PCDHGA4: variants seen among roughly 807,000 people sequenced by gnomAD.
The protein encoded by PCDHGA4 is protocadherin gamma subfamily A, 4.
PCDHGA4 carries 38 observed loss-of-function variants against 54.6 expected under a neutral mutation model. That is an observed-to-expected ratio of 0.70 (90% CI 0.54 to 0.91). The LOEUF (loss-of-function observed/expected upper bound fraction) is 0.91. Ranked by LOEUF, PCDHGA4 falls within the 40% of genes least tolerant of loss-of-function variation. The pLI, the probability that PCDHGA4 is intolerant of heterozygous loss-of-function variation, is 0.00. For synonymous variants in PCDHGA4, 511 were observed against 512.9 expected (o/e 1.00, Z 0.05); for missense variants, 1,298 against 1,220.9 (o/e 1.06, Z -0.94).
In PCDHGA4 at chr5:141,493,079, G is replaced by A. The variant is rs1299289839; in HGVS notation, c.2515-1728G>A. 6.6e-6 allele frequency among the ~76,000 whole-genome samples: 1 copy of A among 152,204 alleles called. No homozygotes were observed. Among genetic ancestry groups the A allele is most frequent in the East Asian group, 1.9e-4 (1 of 5,196 alleles). Reference sequence around the variant, plus strand: ...AAAAACACAAGTTTCTCCAACTCCAGGAGCTTTTATTCAAAATATATCAAT... The same window carrying A: ...AAAAACACAAGTTTCTCCAACTCCAAGAGCTTTTATTCAAAATATATCAAT... On this transcript the variant is annotated intron_variant, in intron 1 of 3. Transcript: ENST00000571252. The surrounding 1 kb of genome is among the most constrained non-coding windows in gnomAD (Gnocchi z 4.3).
intron 1 of PCDHGA4, among the ~76,000 whole-genome samples, chr5:141,455,603 C>T (rs1433078116): frequency 3.3e-5 from 5 of 152,190 alleles, no homozygotes; most frequent in Admixed American, 2.6e-4. Context: ...CGTAGGGCGC[C>T]ATGGATGTTC....
At chr5:141,418,908 C>T (rs1037628215) in intron 1 of PCDHGA4, 1 of 1,613,814 alleles carries the variant, frequency 6.2e-7, no homozygotes, top group Non-Finnish European at 8.5e-7. Context: ...ATAATCATCA[C>T]GTCACTCTCT....
chr5:141,470,721 AG>A (rs948288535), intron 1 of PCDHGA4, among the ~76,000 whole-genome samples: 2 of 152,098 alleles, frequency 1.3e-5, no homozygotes, highest in African/African-American at 4.8e-5. Flanking sequence ...TTTTTGAGTC[AG>A]GGTCTTGCTC....
chr5:141,408,475 C>A, intron 1 of PCDHGA4: 3 of 1,614,032 alleles, frequency 1.9e-6, no homozygotes, highest in Non-Finnish European at 1.7e-6. Flanking sequence ...ACCGAATAGA[C>A]CGTGAGCAAA....
intron 1 of PCDHGA4, chr5:141,400,391 C>T (rs1468153713): frequency 1.2e-6 from 2 of 1,614,076 alleles, no homozygotes; most frequent in Non-Finnish European, 1.7e-6. Flanking sequence ...GTTGCACATA[C>T]AGGAAAGACG....
intron 1 of PCDHGA4, chr5:141,366,446 G>T: frequency 6.2e-7 from 1 of 1,614,178 alleles, no homozygotes; most frequent in South Asian, 1.1e-5. Context: ...CGTCTTCCTG[G>T]CCTTCGTCAT....
chr5:141,499,763 T>C (rs2099794343), intron 2 of PCDHGA4, among the ~76,000 whole-genome samples: 1 of 148,434 alleles, frequency 6.7e-6, no homozygotes, highest in African/African-American at 2.5e-5. Flanking sequence ...CTCAGCTCAC[T>C]GCAGCCTTCG....
chr5:141,395,111 T>A, intron 1 of PCDHGA4: 1 of 1,613,670 alleles, frequency 6.2e-7, no homozygotes, highest in Non-Finnish European at 8.5e-7. Flanking sequence ...CGCGGAAGAG[T>A]CACCTGATCT....
At chr5:141,445,046 G>A (rs181806844) in intron 1 of PCDHGA4, among the ~76,000 whole-genome samples, 1 of 152,248 alleles carries the variant, frequency 6.6e-6, no homozygotes, top group East Asian at 1.9e-4. Context: ...AGTTTTCAGT[G>A]TAGAGAGGTC....
At chr5:141,427,914 A>C in intron 1 of PCDHGA4, 1 of 1,576,800 alleles carries the variant, frequency 6.3e-7, no homozygotes, top group Non-Finnish European at 8.7e-7. Flanking sequence ...CAGCGCCAAC[A>C]TGAGCCGGCG....
At position 141,384,620 on chromosome 5, in the gene PCDHGA4, G is replaced by C. The variant is rs767421233; in HGVS notation, c.2514+26999G>C. On this transcript the variant is annotated intron_variant, in intron 1 of 3. Coordinates refer to ENST00000571252, the MANE Select transcript of PCDHGA4 (RefSeq NM_018917.4). ...GCCCTCCCCACAGATGGTTCTACTG[G>C]CATGGAGCTGGCACCCCGCTCCGCA... 6 of 1,614,082 alleles carry C rather than the reference G, an allele frequency of 3.7e-6. No homozygotes were observed. The African/African-American group carries it at 8.0e-5, about 22-fold the overall frequency.
chr5:141,450,071 A>G (rs1039802551), intron 1 of PCDHGA4, among the ~76,000 whole-genome samples: 3 of 139,286 alleles, frequency 2.2e-5, no homozygotes, highest in Non-Finnish European at 3.0e-5. Flanking sequence ...CAGTGGTATG[A>G]TCTTGGCTCA....
intron 1 of PCDHGA4, chr5:141,419,181 A>T (rs769321564): frequency 1.9e-6 from 3 of 1,613,858 alleles, no homozygotes; most frequent in Admixed American, 3.3e-5. Flanking sequence ...ATAACCCTGC[A>T]CATTACTGAC....
intron 1 of PCDHGA4, chr5:141,384,634 C>T: frequency 6.2e-7 from 1 of 1,614,208 alleles, no homozygotes; most frequent in Non-Finnish European, 8.5e-7. Flanking sequence ...GGAGCTGGCA[C>T]CCCGCTCCGC....
At chr5:141,421,618 G>T (rs748399893) in intron 1 of PCDHGA4, 1 of 1,613,766 alleles carries the variant, frequency 6.2e-7, no homozygotes, top group Non-Finnish European at 8.5e-7. Flanking sequence ...TAATGATAAC[G>T]CCCCCAGCTT....
intron 1 of PCDHGA4, chr5:141,374,640 C>G: frequency 6.2e-7 from 1 of 1,612,778 alleles, no homozygotes; most frequent in African/African-American, 1.3e-5. Flanking sequence ...CAAAGCGAAG[C>G]CCATGGGCCC....
At chr5:141,384,927 C>A in intron 1 of PCDHGA4, 1 of 1,614,014 alleles carries the variant, frequency 6.2e-7, no homozygotes, top group Non-Finnish European at 8.5e-7. Flanking sequence ...CCGACCTGGG[C>A]AGCCTTGAGC....
chr5:141,443,307 C>A (rs1447607301), intron 1 of PCDHGA4, among the ~76,000 whole-genome samples: 1 of 136,584 alleles, frequency 7.3e-6, no homozygotes, highest in Non-Finnish European at 1.5e-5. Flanking sequence ...ATGGCAAAAA[C>A]CCATCTCTAC....
rs760807195 is a variant in PCDHGA4 at position 141,357,465 on chromosome 5, C to T, written c.2358C>T (p.His786=). 1.9e-6 allele frequency: 3 copies of T among 1,614,226 alleles called. No homozygotes were observed. Among genetic ancestry groups the T allele is most frequent in the South Asian group, 1.1e-5 (1 of 91,088 alleles). ...GVRAFLQTYS[H]EVSLTADSRK... is the part of the protein sequence containing the mutation. ...GGGCTTTCCTGCAGACCTATTCCCA[C>T]GAGGTCTCCCTCACCGCGGACTCGC... Residue 786 remains histidine (H), a synonymous_variant, in exon 1 of 4, where the codon CAC becomes CAT. Transcript: ENST00000571252.
Sources: gnomAD v4.1 joint callset for allele counts (sites outside exome capture counted in the v4.1 genomes callset) on GRCh38, gnomAD v4.1.1 for gene constraint, Gnocchi (gnomAD v3.1) non-coding constraint, MANE v1.5 for transcripts, NCBI Gene and HGNC (gene_info 2026-07-23, HGNC 2026-07-21) for gene names.